MIAT: variants seen among roughly 807,000 people sequenced by gnomAD.
The protein encoded by MIAT is myocardial infarction associated transcript.
chr22:26,668,664 G>A lies in MIAT; in HGVS notation n.2769G>A, dbSNP rs569365904. 1.7e-3 allele frequency: 693 copies of A among 399,208 alleles called. 11 individuals are homozygous for A. The highest frequency in any genetic ancestry group is 5.5e-4 in the Non-Finnish European group (125 of 226,512). 24.7% of individuals were successfully genotyped at this position (399,208 alleles called of 1,614,324 possible). A position where few individuals can be genotyped will look rare whatever the true frequency, so the allele number is the denominator to read the frequency against. On this transcript the variant is annotated non_coding_transcript_exon_variant, in exon 6 of 6. Coordinates refer to ENST00000643270, the Ensembl canonical transcript of MIAT. ...GTCGGGGAGGGGCTGTCAGGCAGAG[G>A]GCAGATGCAGCTCCTCGGGTGCCGC...
At chr22:26,648,165 G>A (rs1930271207) in intron 2 of MIAT, among the ~76,000 whole-genome samples, 1 of 152,194 alleles carries the variant, frequency 6.6e-6, no homozygotes, top group Admixed American at 6.5e-5. Context: ...AGAAGCCACT[G>A]CAGCAGGGAG....
At chr22:26,651,005 A>G (rs995967311) in intron 2 of MIAT, among the ~76,000 whole-genome samples, 3 of 152,090 alleles carry the variant, frequency 2.0e-5, no homozygotes, top group African/African-American at 7.2e-5. Flanking sequence ...AAGCACTTGG[A>G]AAGTCTTCTG....
exon 1 of MIAT, chr22:26,646,877 A>T (rs1309874999): frequency 3.3e-5 from 13 of 398,540 alleles, no homozygotes; most frequent in African/African-American, 6.2e-5. Flanking sequence ...ACAGGAATAG[A>T]GACAGGTAGA....
intron 2 of MIAT, among the ~76,000 whole-genome samples, chr22:26,654,196 G>A (rs969934404): frequency 3.4e-4 from 52 of 152,148 alleles, no homozygotes; most frequent in African/African-American, 1.1e-3. Flanking sequence ...CTTATCTCTG[G>A]TGTCTGGCTT....
At chr22:26,670,209 C>T, downstream of MIAT, 1 of 398,526 alleles carries the variant, frequency 2.5e-6, no homozygotes, top group Non-Finnish European at 4.4e-6. Context: ...TAGTAACTCA[C>T]AATGCTTCCT....
At chr22:26,666,775 A>G (rs1378838739) in exon 4 of MIAT, 2 of 398,622 alleles carry the variant, frequency 5.0e-6, no homozygotes, top group Non-Finnish European at 8.8e-6. Flanking sequence ...TTTCTTCAGC[A>G]GGGAGTTCTG....
exon 5 of MIAT, chr22:26,676,032 G>A (rs192402613): frequency 1.6e-4 from 65 of 398,680 alleles, no homozygotes; most frequent in Non-Finnish European, 2.7e-4. Context: ...GTCTGCTTTG[G>A]AGTCTACTGA....
downstream of MIAT, chr22:26,670,127 C>A (rs1028264762): frequency 3.0e-5 from 12 of 395,568 alleles, no homozygotes; most frequent in East Asian, 4.3e-4. Context: ...TTCTGATTAG[C>A]CCTTCCCTAC....
rs1008873528 is a variant in MIAT, at chr22:26,674,712, T to C, written n.8380T>C. The stretch of plus-strand genomic sequence containing the variant: ...GGCAGGGACCTTGGATGGGGTAGTC[T>C]ACACCCGGAAGTGCCTGCCTGCCAT... On this transcript the variant is annotated non_coding_transcript_exon_variant, in exon 5 of 5. Transcript: ENST00000613780. 45 of 398,510 alleles carry C rather than the reference T, an allele frequency of 1.1e-4. 1 individual carries two copies. The highest frequency in any genetic ancestry group is 1.5e-4 in the Non-Finnish European group (34 of 226,106). 24.7% of individuals were successfully genotyped at this position (398,510 alleles called of 1,614,324 possible).
intron 2 of MIAT, among the ~76,000 whole-genome samples, chr22:26,648,408 T>G (rs1172366324): frequency 1.3e-5 from 2 of 151,826 alleles, no homozygotes; most frequent in Non-Finnish European, 1.5e-5. Context: ...AGAGGCGAGG[T>G]GCATGGAGCA....
At chr22:26,651,687 A>T (rs1287655507) in intron 2 of MIAT, among the ~76,000 whole-genome samples, 1 of 152,288 alleles carries the variant, frequency 6.6e-6, no homozygotes, top group African/African-American at 2.4e-5. Flanking sequence ...TGTTCTGTTC[A>T]TACAATGGAA....
Position 26,651,513 on chromosome 22 carries a change from A to G in MIAT, n.646+4202A>G, listed in dbSNP as rs189820985. Among the ~76,000 whole-genome samples the G allele has an allele frequency of 4.5e-4, 69 of 152,308 alleles. No homozygotes were observed. In the East Asian group the frequency reaches 0.012, roughly 27 times the overall value. On this transcript the variant is annotated intron_variant and non_coding_transcript_variant, in intron 2 of 5. Transcript: ENST00000643270. ...CCTCTGACTAAGGCAAGGTGGGGGA[A>G]TAGAAAAGGAAACGTGGAACAGAGA...
chr22:26,674,872 G>A (rs979934521), exon 5 of MIAT: 3 of 398,580 alleles, frequency 7.5e-6, no homozygotes, highest in Non-Finnish European at 1.3e-5. Context: ...TGCTCTGGGC[G>A]CTGGGACCTG....
At chr22:26,657,455 C>T in intron 2 of MIAT, 1 of 398,722 alleles carries the variant, frequency 2.5e-6, no homozygotes, top group Middle Eastern at 6.3e-4. Context: ...CAGCCGCTCC[C>T]GCATTAAAAT....
rs558308317 is a variant in MIAT at position 26,668,688 on chromosome 22, G to T, written n.2793G>T. 3.0e-5 allele frequency: 12 copies of T among 399,144 alleles called. No individual in the cohort carries two copies. The South Asian group carries it at 1.3e-3, about 42-fold the overall frequency. The allele number at this position is 399,144 out of a possible 1,614,324, so 24.7% of individuals were successfully genotyped here. Reference sequence around the variant, plus strand: ...GGGCAGATGCAGCTCCTCGGGTGCCGCTGGCTGGAGTCCTTTGTCTCCATT... The same window carrying T: ...GGGCAGATGCAGCTCCTCGGGTGCCTCTGGCTGGAGTCCTTTGTCTCCATT... On this transcript the variant is annotated non_coding_transcript_exon_variant, in exon 6 of 6. Coordinates refer to ENST00000643270, the Ensembl canonical transcript of MIAT.
intron 3 of MIAT, among the ~76,000 whole-genome samples, chr22:26,664,333 T>A (rs1041455416): frequency 6.6e-6 from 1 of 152,164 alleles, no homozygotes; most frequent in Admixed American, 6.5e-5. Context: ...GTTGCATGTC[T>A]CAGTAGTTCA....
chr22:26,662,245 T>C (rs1930703940), intron 2 of MIAT, among the ~76,000 whole-genome samples: 1 of 152,090 alleles, frequency 6.6e-6, no homozygotes, highest in Non-Finnish European at 1.5e-5. Flanking sequence ...TGTGAGCCAC[T>C]GCGCCCAGTC....
At chr22:26,664,042 C>T (rs903194642) in intron 3 of MIAT, among the ~76,000 whole-genome samples, 2 of 131,318 alleles carry the variant, frequency 1.5e-5, no homozygotes, top group East Asian at 2.4e-4. Context: ...GACAAGATCT[C>T]GCTCTGCTGT....
downstream of MIAT, chr22:26,669,769 C>T (rs1930978783): frequency 2.5e-6 from 1 of 398,900 alleles, no homozygotes; most frequent in Non-Finnish European, 4.4e-6. Flanking sequence ...AGGTACCATG[C>T]TGGGGTGGCT....
Sources: allele counts gnomAD v4.1 joint callset (sites outside exome capture counted in the v4.1 genomes callset), GRCh38; gene constraint gnomAD v4.1.1; transcripts MANE v1.5; gene names NCBI Gene and HGNC (gene_info 2026-07-23, HGNC 2026-07-21).